SMG7: variants seen among roughly 807,000 people sequenced by gnomAD.
The protein encoded by SMG7 is nonsense-mediated mRNA decay factor SMG7.
A neutral mutation model predicts 148.2 loss-of-function variants in SMG7; 34 were observed. The observed-to-expected ratio is 0.23, with a 90% confidence interval of 0.17 to 0.31. SMG7 has a LOEUF of 0.31. Ranked by LOEUF, SMG7 falls within the 10% of genes least tolerant of loss-of-function variation. The probability of loss-of-function intolerance (pLI) is 1.00; values close to 1 mark genes in which losing one functional copy is unlikely to be tolerated. For missense variants in SMG7, 1,114 were observed against 1,408.4 expected, an observed-to-expected ratio of 0.79 and a Z score of 3.35; for synonymous variants, 492 against 515.1, an observed-to-expected ratio of 0.96 and a Z score of 0.61.
chr1:183,485,292 G>A (rs1364842647), intron 1 of SMG7, among the ~76,000 whole-genome samples: 2 of 152,112 alleles, frequency 1.3e-5, no homozygotes, highest in Non-Finnish European at 2.9e-5. Context: ...AAAACATAAT[G>A]TAATATGTAG....
chr1:183,538,482 C>G (rs1462418122), intron 12 of SMG7, 42 bp downstream of exon 12: 1 of 1,314,938 alleles, frequency 7.6e-7, no homozygotes, highest in Non-Finnish European at 1.1e-6. Flanking sequence ...CCAGTGATTG[C>G]AGTATTAAAA....
intron 2 of SMG7, among the ~76,000 whole-genome samples, chr1:183,515,044 A>G (rs1250871939): frequency 6.6e-6 from 1 of 152,224 alleles, no homozygotes; most frequent in African/African-American, 2.4e-5. Context: ...GAGGGAGTTT[A>G]CTGTCAGTTA....
At position 183,510,690 on chromosome 1, in the gene SMG7, G is replaced by A. The variant is rs1661916519; in HGVS notation, c.30-2147G>A. 1.3e-5 allele frequency among the ~76,000 whole-genome samples: 2 copies of A among 151,926 alleles called. 1 individual carries two copies. Among genetic ancestry groups the A allele is most frequent in the South Asian group, 4.2e-4 (2 of 4,794 alleles). ...CATTTTAATGAAACAAATTTATTAG[G>A]TTGGTGCAAAAGTAATCATGGTTTT... On this transcript the variant is annotated intron_variant, in intron 1 of 22. Coordinates refer to ENST00000688051, the MANE Select transcript of SMG7 (RefSeq NM_001375584.1).
At chr1:183,496,442 T>G (rs1214868679) in intron 1 of SMG7, among the ~76,000 whole-genome samples, 1 of 152,198 alleles carries the variant, frequency 6.6e-6, no homozygotes, top group Admixed American at 6.5e-5. Flanking sequence ...CTGTAGCTAC[T>G]GCCTCTTTCT....
At chr1:183,537,643 G>A (rs914767986) in intron 11 of SMG7, among the ~76,000 whole-genome samples, 14 of 152,062 alleles carry the variant, frequency 9.2e-5, no homozygotes, top group African/African-American at 2.9e-4. Context: ...TTTTTCTTAC[G>A]TGTGTACACA....
intron 13 of SMG7, 43 bp downstream of exon 13, chr1:183,541,146 TTAGA>T: frequency 1.3e-6 from 2 of 1,596,296 alleles, no homozygotes; most frequent in South Asian, 1.1e-5. Context: ...AACCACCTTT[TTAGA>T]TAAACACATG....
Position 183,507,358 on chromosome 1 carries a change from A to G in SMG7, c.30-5479A>G, listed in dbSNP as rs1661155195. The stretch of plus-strand genomic sequence containing the variant: ...CTTAAGTATTGAAAGCCCCAGTTCT[A>G]TGGGTTGTTACTATCAAACATTTCA... On this transcript the variant is annotated intron_variant, in intron 1 of 22. Coordinates refer to ENST00000688051, the MANE Select transcript of SMG7 (RefSeq NM_001375584.1). Among the ~76,000 whole-genome samples, 4 of 152,294 alleles carry G rather than the reference A, an allele frequency of 2.6e-5. No homozygotes were observed. The South Asian group carries it at 6.2e-4, about 24-fold the overall frequency.
intron 4 of SMG7, among the ~76,000 whole-genome samples, chr1:183,521,700 A>G (rs1346788912): frequency 6.6e-6 from 1 of 152,014 alleles, no homozygotes; most frequent in Non-Finnish European, 1.5e-5. Flanking sequence ...ACCCTATTCT[A>G]CAAAGAATCT....
In SMG7 at chr1:183,526,712, G is replaced by C. The variant is rs1166742006; in HGVS notation, c.429G>C (p.Gln143His). Residue 143 changes from glutamine (Q) to histidine (H), a missense_variant, in exon 5 of 23, where the codon CAG becomes CAC. Physicochemically the swap from Gln to His is conservative, Grantham distance 24. Transcript: ENST00000688051. ...QTHTSAIVKP[Q>H]SSSCSYICQH... ...ATACCAGCGCCATAGTGAAGCCACA[G>C]TCTAGCTCCTGTTCCTATATCTGCC... The C allele has an allele frequency of 1.2e-6, 2 of 1,613,838 alleles. No individual in the cohort carries two copies.
chr1:183,537,882 G>A (rs1187519165), intron 11 of SMG7, among the ~76,000 whole-genome samples: 1 of 152,054 alleles, frequency 6.6e-6, no homozygotes, highest in Non-Finnish European at 1.5e-5. Flanking sequence ...CTCTGGCTTG[G>A]CTTCTTTCTG....
chr1:183,538,345 T>C (rs1370761659), intron 11 of SMG7, 35 bp from the exon 12 acceptor site: 11 of 1,510,504 alleles, frequency 7.3e-6, no homozygotes, highest in Admixed American at 1.7e-5. Context: ...ACATTTTAAT[T>C]AAAATGTTTG....
At chr1:183,512,605 A>C (rs1161132471) in intron 1 of SMG7, among the ~76,000 whole-genome samples, 1 of 152,190 alleles carries the variant, frequency 6.6e-6, no homozygotes. Context: ...AGAAGAGGTC[A>C]CTTAACTTTT....
intron 12 of SMG7, 34 bp downstream of exon 12, chr1:183,538,474 A>C (rs1286279747): frequency 7.4e-7 from 1 of 1,346,762 alleles, no homozygotes; most frequent in Non-Finnish European, 1.1e-6. Flanking sequence ...TATCATTGCC[A>C]GTGATTGCAG....
chr1:183,495,189 T>G (rs1658186361), intron 1 of SMG7, among the ~76,000 whole-genome samples: 1 of 152,102 alleles, frequency 6.6e-6, no homozygotes, highest in African/African-American at 2.4e-5. Context: ...ATCATTGTTT[T>G]TCAGCGATTT....
At chr1:183,547,041 A>G (rs1463011590) in intron 17 of SMG7, 62 bp from the exon 18 acceptor site, 10 of 1,459,358 alleles carry the variant, frequency 6.9e-6, no homozygotes, top group Non-Finnish European at 9.2e-6. Flanking sequence ...TAATTATGCT[A>G]CTATTCCTTT....
intron 1 of SMG7, among the ~76,000 whole-genome samples, chr1:183,511,784 C>G (rs1254008007): frequency 6.6e-6 from 1 of 152,092 alleles, no homozygotes; most frequent in Non-Finnish European, 1.5e-5. Flanking sequence ...AGGGATGGTT[C>G]TTGAATGAGA....
At chr1:183,498,459 A>G (rs1659038966) in intron 1 of SMG7, among the ~76,000 whole-genome samples, 1 of 152,242 alleles carries the variant, frequency 6.6e-6, no homozygotes, top group Admixed American at 6.5e-5. Flanking sequence ...TTGAGGCTGC[A>G]GTAAGGCATG....
intron 1 of SMG7, among the ~76,000 whole-genome samples, chr1:183,509,368 A>T (rs1367863183): frequency 6.6e-6 from 1 of 152,236 alleles, no homozygotes; most frequent in Non-Finnish European, 1.5e-5. Flanking sequence ...TTTATGTCAT[A>T]GTAATTTTGT....
chr1:183,487,289 G>A (rs1655693547), intron 1 of SMG7, among the ~76,000 whole-genome samples: 2 of 152,162 alleles, frequency 1.3e-5, no homozygotes, highest in African/African-American at 2.4e-5. Context: ...TTCAAAGCCA[G>A]TAGTCACATT....
Sources: gnomAD v4.1 joint callset for allele counts (sites outside exome capture counted in the v4.1 genomes callset) on GRCh38, gnomAD v4.1.1 for gene constraint, MANE v1.5 for transcripts, NCBI Gene and HGNC (gene_info 2026-07-23, HGNC 2026-07-21) for gene names.